PDS5B: variants seen among roughly 807,000 people sequenced by gnomAD.
PDS5B encodes PDS5 cohesin associated factor B, also known as sister chromatid cohesion protein PDS5 homolog B.
In PDS5B, 51 loss-of-function variants were observed where a neutral mutation model predicts 184.1. That is an observed-to-expected ratio of 0.28 (90% confidence interval 0.22 to 0.35). The LOEUF is 0.35. Ranked by LOEUF, PDS5B falls within the 10% of genes least tolerant of loss-of-function variation. PDS5B has a pLI of 1.00. For synonymous variants in PDS5B, 566 were observed against 569.2 expected (o/e 0.99, Z 0.08); for missense variants, 1,180 against 1,723.3 (o/e 0.68, Z 5.58).
chr13:32,688,407 T>C (rs771175677), intron 12 of PDS5B, 49 bp from the exon 13 acceptor site: 2 of 902,152 alleles, frequency 2.2e-6, no homozygotes, highest in Non-Finnish European at 3.5e-6. Context: ...TATACAACTT[T>C]AGAACATTAG....
chr13:32,651,688 G>A, intron 2 of PDS5B, 116 bp from the exon 3 acceptor site: 1 of 609,506 alleles, frequency 1.6e-6, no homozygotes, highest in Non-Finnish European at 2.9e-6. Context: ...ACTTTCTGCA[G>A]AAAAATGAAA....
rs1593440334 is a variant in PDS5B, at chr13:32,692,414, C to CTTTTTT, written c.1470-1809_1470-1808insTTTTTT. 8.1e-3 allele frequency among the ~76,000 whole-genome samples: 563 copies of CTTTTTT among 69,148 alleles called. 248 individuals are homozygous for CTTTTTT. The highest frequency in any genetic ancestry group is 0.02 in the Middle Eastern group (2 of 102). 45.4% of individuals were successfully genotyped at this position (69,148 alleles called of 152,430 possible). The stretch of plus-strand genomic sequence containing the variant: ...ATTAAACAAGTTTGCGTCCAAAAAG[C>CTTTTTT]CTTTTTTTTTTTTTTTTTTTTTTTT... On this transcript the variant is annotated intron_variant, in intron 13 of 34. Coordinates refer to ENST00000315596, the MANE Select transcript of PDS5B (RefSeq NM_015032.4).
chr13:32,620,191 A>AT (rs1200052469), intron 1 of PDS5B, among the ~76,000 whole-genome samples: 4 of 152,130 alleles, frequency 2.6e-5, no homozygotes, highest in African/African-American at 9.7e-5. Flanking sequence ...AATGAAACAG[A>AT]TTTTTTTGGT....
At position 32,678,948 on chromosome 13, in the gene PDS5B, A is replaced by G; in HGVS notation, c.1057+19A>G. 1 of 1,296,906 alleles carries G rather than the reference A, an allele frequency of 7.7e-7. No homozygotes were observed. Among genetic ancestry groups the G allele is most frequent in the Non-Finnish European group, 1.1e-6 (1 of 892,326 alleles). The allele number at this position is 1,296,906 out of a possible 1,614,324, so 80.3% of individuals were successfully genotyped here. A position where few individuals can be genotyped will look rare whatever the true frequency, so the allele number is the denominator to read the frequency against. On this transcript the variant is annotated intron_variant, in intron 10 of 34. Coordinates refer to ENST00000315596, the MANE Select transcript of PDS5B (RefSeq NM_015032.4). ...TTAACAGGTACTATATATATGTAAC[A>G]GCAAATATTCTTACGTGCTCTTCAG...
intron 30 of PDS5B, 77 bp downstream of exon 30, chr13:32,760,797 A>C: frequency 7.5e-7 from 1 of 1,339,382 alleles, no homozygotes; most frequent in Non-Finnish European, 1.0e-6. Flanking sequence ...ATATAATCCA[A>C]AATGTTTCAT....
intron 1 of PDS5B, among the ~76,000 whole-genome samples, chr13:32,620,997 G>A (rs2058293200): frequency 6.6e-6 from 1 of 152,220 alleles, no homozygotes; most frequent in Non-Finnish European, 1.5e-5. Context: ...AGTGCTAATT[G>A]TGGTTATGGC....
chr13:32,698,656 G>T (rs1047044639), intron 15 of PDS5B, among the ~76,000 whole-genome samples: 17 of 151,918 alleles, frequency 1.1e-4, no homozygotes, highest in African/African-American at 3.6e-4. Context: ...CATAAAATGG[G>T]ATTTCAGAAT....
intron 1 of PDS5B, among the ~76,000 whole-genome samples, chr13:32,607,685 TAGCTG>T (rs992317967): frequency 5.2e-5 from 7 of 133,386 alleles, no homozygotes; most frequent in Non-Finnish European, 1.2e-4. Flanking sequence ...AGGCCTCCTT[TAGCTG>T]GGGTGGGGTG....
rs762841627 is a variant in PDS5B at position 32,696,841 on chromosome 13, G to C, written c.1552-13G>C. On this transcript the variant is annotated splice_polypyrimidine_tract_variant and intron_variant, in intron 14 of 34. Transcript: ENST00000315596. ...GGGAATTTTAATTTTGCATTTTTTT[G>C]TGTGATTTACAGACAGATGCCAGTG... 2 of 1,585,244 alleles carry C rather than the reference G, an allele frequency of 1.3e-6. No homozygotes were observed. The highest frequency in any genetic ancestry group is 1.1e-5 in the South Asian group (1 of 87,758).
intron 25 of PDS5B, among the ~76,000 whole-genome samples, chr13:32,754,761 A>G (rs1166263321): frequency 6.6e-6 from 1 of 152,186 alleles, no homozygotes; most frequent in Non-Finnish European, 1.5e-5. Flanking sequence ...TTAAAAAATT[A>G]CATACAGTGC....
intron 1 of PDS5B, among the ~76,000 whole-genome samples, chr13:32,640,389 G>A (rs1167944537): frequency 6.6e-6 from 1 of 152,164 alleles, no homozygotes; most frequent in African/African-American, 2.4e-5. Flanking sequence ...TGAGACTACA[G>A]GCATGCGCCA....
At chr13:32,723,823 A>G in intron 19 of PDS5B, among the ~76,000 whole-genome samples, 1 of 152,246 alleles carries the variant, frequency 6.6e-6, no homozygotes, top group East Asian at 1.9e-4. Flanking sequence ...ACCACAGACC[A>G]TAGACTAAAA....
Position 32,770,243 on chromosome 13 carries a change from T to C in PDS5B, c.3747T>C (p.Ser1249=). 1 of 1,613,168 alleles carries C rather than the reference T, an allele frequency of 6.2e-7. No individual in the cohort carries two copies. The highest frequency in any genetic ancestry group is 1.1e-5 in the South Asian group (1 of 90,998). The change falls in exon 32 of 35, where the codon AGT becomes AGC. Residue 1249 remains serine (S), a synonymous_variant. Transcript: ENST00000315596. ...QEQKPKGSQR[S]RKRGHTASES... is the part of the protein sequence containing the mutation. ...AGAAACCTAAAGGCAGTCAGCGAAG[T>C]CGGAAAAGAGGCCATACGGCTTCAG...
intron 19 of PDS5B, among the ~76,000 whole-genome samples, chr13:32,712,948 T>C (rs185647392): frequency 6.6e-6 from 1 of 152,306 alleles, no homozygotes; most frequent in African/African-American, 2.4e-5. Flanking sequence ...AGATGAGTTA[T>C]GGGGTTCCAT....
chr13:32,593,233 G>T (rs181265798), intron 1 of PDS5B, among the ~76,000 whole-genome samples: 61 of 152,340 alleles, frequency 4.0e-4, no homozygotes, highest in African/African-American at 1.4e-3. Flanking sequence ...TGTACTGGGT[G>T]ACTACAGCTG....
intron 1 of PDS5B, among the ~76,000 whole-genome samples, chr13:32,632,176 A>G (rs1190974572): frequency 6.6e-6 from 1 of 152,218 alleles, no homozygotes; most frequent in Admixed American, 6.5e-5. Flanking sequence ...TAAAAAATAT[A>G]TATTGGACTT....
chr13:32,721,914 G>C (rs187148333), intron 19 of PDS5B, among the ~76,000 whole-genome samples: 1 of 151,516 alleles, frequency 6.6e-6, no homozygotes, highest in Non-Finnish European at 1.5e-5. Context: ...CCCAGACAAT[G>C]GGCAGCCAGG....
In PDS5B at chr13:32,770,176, A is replaced by G. The variant is rs537308538; in HGVS notation, c.3680A>G (p.Glu1227Gly). 8.7e-6 allele frequency: 14 copies of G among 1,614,002 alleles called. No individual in the cohort carries two copies. The highest frequency in any genetic ancestry group is 6.7e-5 in the Admixed American group (4 of 59,990). ...AAAACGCCCGTCACAGAACAGGAGGAGAAATTAGGTATGGATGACTTGACT... is the reference window on the plus strand; with the variant it reads ...AAAACGCCCGTCACAGAACAGGAGGGGAAATTAGGTATGGATGACTTGACT... ...RKKTPVTEQEEKLGMDDLTKL... is the reference protein window; with the variant it reads ...RKKTPVTEQEGKLGMDDLTKL... Residue 1227 changes from glutamate (E) to glycine (G), a missense_variant, in exon 32 of 35, where the codon GAG becomes GGG. By Grantham distance (98) the Glu-to-Gly change is moderately conservative. Coordinates refer to ENST00000315596, the MANE Select transcript of PDS5B (RefSeq NM_015032.4).
chr13:32,725,503 G>T (rs1228259627), intron 19 of PDS5B, among the ~76,000 whole-genome samples: 1 of 152,072 alleles, frequency 6.6e-6, no homozygotes, highest in East Asian at 1.9e-4. Flanking sequence ...TCTCCGAGGG[G>T]CTCTGGTTCC....
Sources: allele counts gnomAD v4.1 joint callset (sites outside exome capture counted in the v4.1 genomes callset), GRCh38; gene constraint gnomAD v4.1.1; transcripts MANE v1.5; gene names NCBI Gene and HGNC (gene_info 2026-07-23, HGNC 2026-07-21).